Variants in RXFP1 observed in about 807,000 individuals in gnomAD.
RXFP1 encodes the protein relaxin family peptide receptor 1.
RXFP1 carries 73 observed loss-of-function variants against 89.8 expected under a neutral mutation model. The observed-to-expected ratio is 0.81, with a 90% CI of 0.67 to 0.99. The LOEUF (loss-of-function observed/expected upper bound fraction) is 0.99, where lower values mean the gene tolerates loss of function less well. RXFP1 is among the 50% of genes least tolerant of loss of function. The pLI is 0.00. For missense variants in RXFP1, 793 were observed against 895.5 expected, an observed-to-expected ratio of 0.89 and a Z score of 1.46; for synonymous variants, 277 against 305.5, an observed-to-expected ratio of 0.91 and a Z score of 0.97.
At chr4:158,562,661 A>T (rs1226918031) in intron 1 of RXFP1, among the ~76,000 whole-genome samples, 1 of 151,452 alleles carries the variant, frequency 6.6e-6, no homozygotes, top group Non-Finnish European at 1.5e-5. Context: ...CAGGATATAT[A>T]TCTTGAGTTT....
intron 1 of RXFP1, among the ~76,000 whole-genome samples, chr4:158,522,548 A>G (rs1183991462): frequency 6.6e-6 from 1 of 152,200 alleles, no homozygotes; most frequent in Non-Finnish European, 1.5e-5. Flanking sequence ...CAAAGCAATG[A>G]AAAACATAGG....
intron 1 of RXFP1, among the ~76,000 whole-genome samples, chr4:158,542,937 A>G (rs980175600): frequency 1.3e-5 from 2 of 152,216 alleles, no homozygotes; most frequent in Admixed American, 6.5e-5. Flanking sequence ...GAGGGGAACT[A>G]CAGACACTGG....
At chr4:158,568,540 A>G (rs1387078824) in intron 1 of RXFP1, among the ~76,000 whole-genome samples, 2 of 152,248 alleles carry the variant, frequency 1.3e-5, no homozygotes, top group African/African-American at 2.4e-5. Context: ...AGTTAGTCTC[A>G]ACACAGATTG....
intron 15 of RXFP1, among the ~76,000 whole-genome samples, chr4:158,645,812 G>A (rs979247462): frequency 6.6e-5 from 10 of 151,868 alleles, no homozygotes; most frequent in South Asian, 2.1e-4. Flanking sequence ...TTTTGTATGT[G>A]TGCTGCCCCC....
intron 2 of RXFP1, among the ~76,000 whole-genome samples, chr4:158,588,950 G>C (rs971807374): frequency 6.6e-6 from 1 of 152,226 alleles, no homozygotes; most frequent in African/African-American, 2.4e-5. Flanking sequence ...GGAGGTCACT[G>C]TATTAGTCCG....
intron 1 of RXFP1, among the ~76,000 whole-genome samples, chr4:158,560,925 G>A (rs1752308996): frequency 6.6e-6 from 1 of 152,164 alleles, no homozygotes; most frequent in Non-Finnish European, 1.5e-5. Context: ...CTTCTTTAAC[G>A]GAAGGGCAGC....
At chr4:158,646,744 T>A in intron 15 of RXFP1, 47 bp from the exon 16 acceptor site, 1 of 1,502,562 alleles carries the variant, frequency 6.7e-7, no homozygotes, top group Non-Finnish European at 8.9e-7. Context: ...GATGATTTTA[T>A]GATACCTATT....
At chr4:158,572,020 G>A (rs1420601858) in intron 1 of RXFP1, among the ~76,000 whole-genome samples, 1 of 152,096 alleles carries the variant, frequency 6.6e-6, no homozygotes, top group African/African-American at 2.4e-5. Context: ...AGGTCTTTTT[G>A]CAGGCTATGT....
intron 4 of RXFP1, among the ~76,000 whole-genome samples, chr4:158,603,898 T>TAATAAC (rs1259029762): frequency 2.1e-5 from 3 of 145,778 alleles, no homozygotes; most frequent in Admixed American, 1.4e-4. Context: ...TCAATAATAA[T>TAATAAC]AATAATAATA....
chr4:158,646,994 C>T lies in RXFP1; in HGVS notation c.1549C>T (p.Pro517Ser), dbSNP rs766174037. ...GGAAAAATACATCTGCATTGTCTAT[C>T]CTTTTAGATGTGTGAGACCTGGAAA... The part of the protein sequence containing the change: ...TLEKYICIVY[P>S]FRCVRPGKCR... Residue 517 changes from proline to serine, a missense_variant, in exon 16 of 18, where the codon CCT becomes TCT. Coordinates refer to ENST00000307765, the MANE Select transcript of RXFP1 (RefSeq NM_021634.4). The T allele has an allele frequency of 2.5e-6, 4 of 1,614,022 alleles. No homozygotes were observed. Among genetic ancestry groups the T allele is most frequent in the Non-Finnish European group, 3.4e-6 (4 of 1,179,940 alleles).
At chr4:158,563,706 A>G (rs1014111741) in intron 1 of RXFP1, among the ~76,000 whole-genome samples, 3 of 152,012 alleles carry the variant, frequency 2.0e-5, no homozygotes, top group Admixed American at 6.6e-5. Context: ...CAACTTACAG[A>G]GTTGTAACAT....
chr4:158,527,362 G>C (rs1359555694), intron 1 of RXFP1, among the ~76,000 whole-genome samples: 1 of 151,480 alleles, frequency 6.6e-6, no homozygotes, highest in Non-Finnish European at 1.5e-5. Flanking sequence ...GGCCAACATG[G>C]CGAAACCCCG....
Position 158,572,085 on chromosome 4 carries a change from C to T in RXFP1, c.50-613C>T, listed in dbSNP as rs142499326. Among the ~76,000 whole-genome samples the T allele has an allele frequency of 3.1e-3, 475 of 152,328 alleles. 1 individual carries two copies. Among genetic ancestry groups the T allele is most frequent in the African/African-American group, 0.01 (430 of 41,570 alleles). On this transcript the variant is annotated intron_variant, in intron 1 of 17. Transcript: ENST00000307765. ...TGGGCTCTATGTAAATCAATCACCG[C>T]CTCCTCAAGCCTCTGTACAAAATCA...
At chr4:158,558,324 C>T (rs1257461887) in intron 1 of RXFP1, among the ~76,000 whole-genome samples, 1 of 152,110 alleles carries the variant, frequency 6.6e-6, no homozygotes, top group African/African-American at 2.4e-5. Flanking sequence ...TAGTTGCTTC[C>T]TCCAATTAAA....
At chr4:158,629,056 T>G (rs1561165658) in intron 11 of RXFP1, among the ~76,000 whole-genome samples, 1 of 151,612 alleles carries the variant, frequency 6.6e-6, no homozygotes, top group South Asian at 2.1e-4. Context: ...TTGTTTTTTG[T>G]TTTGTTTGTT....
intron 1 of RXFP1, among the ~76,000 whole-genome samples, chr4:158,561,076 CA>C (rs1752336628): frequency 6.6e-6 from 1 of 152,152 alleles, no homozygotes; most frequent in Admixed American, 6.5e-5. Context: ...CTTCAATTTA[CA>C]AACCTATTTT....
At chr4:158,545,785 C>G (rs917700909) in intron 1 of RXFP1, among the ~76,000 whole-genome samples, 2 of 152,106 alleles carry the variant, frequency 1.3e-5, no homozygotes, top group African/African-American at 4.8e-5. Context: ...TTTCTGAGGG[C>G]TCTGTTCTGT....
At chr4:158,626,764 A>G (rs1766927782) in intron 9 of RXFP1, 56 bp from the exon 10 acceptor site, 1 of 1,110,792 alleles carries the variant, frequency 9.0e-7, no homozygotes. Flanking sequence ...ATTTTAACCA[A>G]TTTATTTCTC....
At chr4:158,616,851 T>G (rs924788781) in intron 8 of RXFP1, among the ~76,000 whole-genome samples, 2 of 151,490 alleles carry the variant, frequency 1.3e-5, no homozygotes, top group African/African-American at 4.9e-5. Flanking sequence ...ATACAAAAAT[T>G]AGCTGGGTAT....
Sources: allele counts gnomAD v4.1 joint callset (sites outside exome capture counted in the v4.1 genomes callset), GRCh38; gene constraint gnomAD v4.1.1; transcripts MANE v1.5; gene names NCBI Gene and HGNC (gene_info 2026-07-23, HGNC 2026-07-21).